MAGI2: variants seen among roughly 807,000 people sequenced by gnomAD.
The protein encoded by MAGI2 is membrane associated guanylate kinase, WW and PDZ domain containing 2, also known as membrane-associated guanylate kinase, WW and PDZ domain-containing protein 2.
Under a neutral mutation model 133.3 loss-of-function variants are expected in MAGI2, and 35 were observed. The observed-to-expected ratio is 0.26, with a 90% CI of 0.20 to 0.35. The LOEUF is 0.35. MAGI2 is among the 10% of genes least tolerant of loss of function. The pLI, the probability that MAGI2 is intolerant of heterozygous loss-of-function variation, is 1.00. For missense variants in MAGI2, 1,636 were observed against 1,863.4 expected, an observed-to-expected ratio of 0.88 and a Z score of 2.25; for synonymous variants, 729 against 710.6, an observed-to-expected ratio of 1.03 and a Z score of -0.41.
intron 1 of MAGI2, among the ~76,000 whole-genome samples, chr7:79,028,242 T>G (rs1384040336): frequency 0.08 from 3,298 of 41,210 alleles, 237 homozygotes; most frequent in African/African-American, 0.22. Flanking sequence ...TATGTATATA[T>G]ATATATATAT....
Position 78,036,419 on chromosome 7 carries a change from ATGG to A in MAGI2, c.3707-16446_3707-16444del, listed in dbSNP as rs776541750. On this transcript the variant is annotated intron_variant, in intron 21 of 21. Coordinates refer to ENST00000354212, the MANE Select transcript of MAGI2 (RefSeq NM_012301.4). ...GCACTTGTAAATAATAATAATAATGATGGTAAAAAAACCAGCTAACATTCACTA... is the reference window on the plus strand; with the variant it reads ...GCACTTGTAAATAATAATAATAATGATAAAAAAACCAGCTAACATTCACTA... Among the ~76,000 whole-genome samples the A allele has an allele frequency of 0.012, 7 of 568 alleles. 1 individual carries two copies. The South Asian group carries it at 0.23, about 19-fold the overall frequency. 0.4% of individuals were successfully genotyped at this position (568 alleles called of 152,430 possible).
At chr7:78,538,361 A>ATT (rs1798134588) in intron 3 of MAGI2, among the ~76,000 whole-genome samples, 1 of 152,196 alleles carries the variant, frequency 6.6e-6, no homozygotes, top group Non-Finnish European at 1.5e-5. Context: ...AGTTCTGTGA[A>ATT]GAATGGTGGT....
intron 1 of MAGI2, among the ~76,000 whole-genome samples, chr7:79,397,268 T>A (rs1845130665): frequency 6.6e-6 from 1 of 151,244 alleles, no homozygotes; most frequent in South Asian, 2.1e-4. Flanking sequence ...ATCAGACTTA[T>A]CAACATAGAT....
chr7:78,083,099 A>T (rs1397392649), intron 20 of MAGI2, among the ~76,000 whole-genome samples: 1 of 151,944 alleles, frequency 6.6e-6, no homozygotes, highest in Admixed American at 6.6e-5. Context: ...TGTGTGACAA[A>T]AGAGTGTCAC....
At chr7:79,339,576 T>C (rs753467551) in intron 1 of MAGI2, among the ~76,000 whole-genome samples, 3 of 152,114 alleles carry the variant, frequency 2.0e-5, no homozygotes, top group Non-Finnish European at 4.4e-5. Flanking sequence ...CTGGACTTTT[T>C]CTTCTAATCC....
At chr7:78,453,500 T>A (rs547537118) in intron 6 of MAGI2, among the ~76,000 whole-genome samples, 3 of 152,234 alleles carry the variant, frequency 2.0e-5, no homozygotes, top group Non-Finnish European at 2.9e-5. Context: ...CCTAGTCTTT[T>A]CAGATGATAT....
chr7:78,610,879 A>G (rs1806366134), intron 3 of MAGI2, among the ~76,000 whole-genome samples: 1 of 152,192 alleles, frequency 6.6e-6, no homozygotes, highest in South Asian at 2.1e-4. Context: ...GTAAATCTAG[A>G]CTTTATTTGA....
At chr7:78,301,563 A>C (rs1442299355) in intron 9 of MAGI2, among the ~76,000 whole-genome samples, 1 of 152,162 alleles carries the variant, frequency 6.6e-6, no homozygotes, top group Admixed American at 6.5e-5. Context: ...CCCCAGACAT[A>C]ATTTGAAATG....
intron 2 of MAGI2, among the ~76,000 whole-genome samples, chr7:78,669,609 A>G (rs1368973216): frequency 5.3e-5 from 7 of 133,144 alleles, no homozygotes; most frequent in African/African-American, 2.1e-4. Context: ...CCGGGCAGAG[A>G]CACAACAAAA....
chr7:78,111,051 G>A (rs1819311156), intron 20 of MAGI2, among the ~76,000 whole-genome samples: 1 of 152,160 alleles, frequency 6.6e-6, no homozygotes, highest in Non-Finnish European at 1.5e-5. Context: ...CTGCTCATCT[G>A]CCAGAAGCTT....
At chr7:79,353,482 C>A (rs1161201060) in intron 1 of MAGI2, 3 of 456,034 alleles carry the variant, frequency 6.6e-6, no homozygotes, top group African/African-American at 4.0e-5. Flanking sequence ...GGCACCCGCC[C>A]TGGTGTGTGC....
At chr7:79,247,116 C>G (rs566413471) in intron 1 of MAGI2, among the ~76,000 whole-genome samples, 1 of 152,178 alleles carries the variant, frequency 6.6e-6, no homozygotes, top group East Asian at 1.9e-4. Flanking sequence ...GACATTTCAT[C>G]AATACCAGAT....
intron 1 of MAGI2, among the ~76,000 whole-genome samples, chr7:79,241,891 C>A (rs1832444763): frequency 6.6e-6 from 1 of 152,166 alleles, no homozygotes; most frequent in Admixed American, 6.5e-5. Context: ...CATCTAGAGG[C>A]AGACTCAGCT....
chr7:79,391,310 A>T (rs2129150898), intron 1 of MAGI2, among the ~76,000 whole-genome samples: 1 of 151,802 alleles, frequency 6.6e-6, no homozygotes, highest in South Asian at 2.1e-4. Context: ...TAAGAAAATG[A>T]ACTCTCATAA....
chr7:78,396,245 A>G (rs920368602), intron 6 of MAGI2, among the ~76,000 whole-genome samples: 1 of 152,186 alleles, frequency 6.6e-6, no homozygotes, highest in Non-Finnish European at 1.5e-5. Flanking sequence ...CCATTAAAAA[A>G]TACCCTCCCA....
At chr7:79,167,929 A>T (rs1376207089) in intron 1 of MAGI2, among the ~76,000 whole-genome samples, 1 of 152,138 alleles carries the variant, frequency 6.6e-6, no homozygotes, top group Non-Finnish European at 1.5e-5. Context: ...CGGCCTGCCC[A>T]GGGTGGTAAA....
chr7:79,451,354 T>C (rs1030821082), intron 1 of MAGI2, among the ~76,000 whole-genome samples: 2 of 152,210 alleles, frequency 1.3e-5, no homozygotes, highest in Non-Finnish European at 2.9e-5. Context: ...CCAAAGATCT[T>C]TCCATTTATG....
chr7:78,322,982 T>C (rs1788167313), intron 9 of MAGI2, among the ~76,000 whole-genome samples: 1 of 144,822 alleles, frequency 6.9e-6, no homozygotes, highest in Admixed American at 6.9e-5. Flanking sequence ...TAAAGAAAAA[T>C]ATCAAAAATA....
chr7:78,947,322 A>G lies in MAGI2; in HGVS notation c.418+59768T>C, dbSNP rs187997992. Among the ~76,000 whole-genome samples the G allele has an allele frequency of 6.4e-4, 97 of 152,200 alleles. 3 individuals carry two copies. The East Asian group carries it at 7.7e-3, about 12-fold the overall frequency. ...CGTGACACATTTTCCTCCATGTACT[A>G]AGTAGATACTTACTGATTGCTGTGA... On this transcript the variant is annotated intron_variant, in intron 2 of 21. Coordinates refer to ENST00000354212, the MANE Select transcript of MAGI2 (RefSeq NM_012301.4).
Sources: allele counts gnomAD v4.1 joint callset (sites outside exome capture counted in the v4.1 genomes callset), GRCh38; gene constraint gnomAD v4.1.1; transcripts MANE v1.5; gene names NCBI Gene and HGNC (gene_info 2026-07-23, HGNC 2026-07-21).